Variants in MPHOSPH9 observed in about 807,000 individuals in gnomAD.
The protein encoded by MPHOSPH9 is M-phase phosphoprotein 9.
A neutral mutation model predicts 145.5 loss-of-function variants in MPHOSPH9; 88 were observed. The observed-to-expected ratio is 0.60, with a 90% CI of 0.51 to 0.72. The LOEUF (loss-of-function observed/expected upper bound fraction) is 0.72, where lower values mean the gene tolerates loss of function less well. MPHOSPH9 is among the 30% of genes least tolerant of loss of function. MPHOSPH9 has a pLI of 0.00. For missense variants in MPHOSPH9, 1,238 were observed against 1,386.6 expected, an observed-to-expected ratio of 0.89 and a Z score of 1.70; for synonymous variants, 435 against 486.2, an observed-to-expected ratio of 0.89 and a Z score of 1.39.
Position 123,163,136 on chromosome 12 carries a change from T to C in MPHOSPH9, c.2909-2A>G. The C allele has an allele frequency of 1.3e-6, 2 of 1,573,626 alleles. No homozygotes were observed. The highest frequency in any genetic ancestry group is 1.7e-6 in the Non-Finnish European group (2 of 1,167,156). On this transcript the variant is annotated splice_acceptor_variant, in intron 19 of 23. Coordinates refer to ENST00000606320, the MANE Select transcript of MPHOSPH9 (RefSeq NM_022782.4). LOFTEE classifies it high-confidence loss of function. Reference sequence around the variant, plus strand: ...GTGTTAGCATAATCTCTCTTTTTGCTATAGAAGAAAATGAAGAGGAAATAT... The same window carrying C: ...GTGTTAGCATAATCTCTCTTTTTGCCATAGAAGAAAATGAAGAGGAAATAT...
At chr12:123,239,380 A>G (rs992460159) in intron 1 of MPHOSPH9, among the ~76,000 whole-genome samples, 1 of 150,516 alleles carries the variant, frequency 6.6e-6, no homozygotes, top group African/African-American at 2.4e-5. Flanking sequence ...TTAGAATTTC[A>G]CATGTGGGTA....
At position 123,214,773 on chromosome 12, in the gene MPHOSPH9, G is replaced by C; in HGVS notation, c.1058C>G (p.Pro353Arg). 6.2e-7 allele frequency: 1 copy of C among 1,613,306 alleles called. No homozygotes were observed. The highest frequency in any genetic ancestry group is 8.5e-7 in the Non-Finnish European group (1 of 1,179,346). Residue 353 changes from proline to arginine, a missense_variant, in exon 7 of 24, where the codon CCA (proline) becomes CGA (arginine). Around this residue, in one of 3 missense-constraint regions of MPHOSPH9, gnomAD observed 837 missense variants for 897.5 expected, o/e 0.93. Coordinates refer to ENST00000606320, the MANE Select transcript of MPHOSPH9 (RefSeq NM_022782.4). ...TCCTGAATCAGACATCCAAGCATTTGGAGTTTCATCTGGTTTACTGAGGTA... is the reference window on the plus strand; with the variant it reads ...TCCTGAATCAGACATCCAAGCATTTCGAGTTTCATCTGGTTTACTGAGGTA... ...AFYLSKPDET[P>R]NAWMSDSGTG...
At chr12:123,177,629 T>C (rs2044939895) in intron 15 of MPHOSPH9, among the ~76,000 whole-genome samples, 1 of 152,084 alleles carries the variant, frequency 6.6e-6, no homozygotes, top group Admixed American at 6.6e-5. Flanking sequence ...ACATTTCCCA[T>C]ACAACTGAAT....
chr12:123,160,994 G>T, intron 22 of MPHOSPH9, 142 bp downstream of exon 22: 2 of 1,324,152 alleles, frequency 1.5e-6, no homozygotes, highest in Non-Finnish European at 1.0e-6. Context: ...CGACCACATG[G>T]CTCAAATCCG....
At chr12:123,199,313 A>C (rs143142967) in intron 11 of MPHOSPH9, among the ~76,000 whole-genome samples, 1 of 152,282 alleles carries the variant, frequency 6.6e-6, no homozygotes, top group African/African-American at 2.4e-5. Flanking sequence ...TTCCTTTGTA[A>C]AGTTAATTAT....
At chr12:123,207,668 A>G (rs1170067474) in intron 8 of MPHOSPH9, among the ~76,000 whole-genome samples, 2 of 152,090 alleles carry the variant, frequency 1.3e-5, no homozygotes, top group Admixed American at 1.3e-4. Context: ...AGCCTGGCCA[A>G]CATGGTGAAA....
intron 15 of MPHOSPH9, among the ~76,000 whole-genome samples, chr12:123,178,447 T>C (rs1255106406): frequency 6.6e-6 from 1 of 152,250 alleles, no homozygotes; most frequent in Admixed American, 6.5e-5. Flanking sequence ...AATGTCTAAA[T>C]AAGGGACGTT....
Position 123,194,387 on chromosome 12 carries a change from T to A in MPHOSPH9, c.2240A>T (p.Asp747Val). ...AAGTTACTATTATTCGCTACTTACA[T>A]CTTGAAACATTTTGTTCTCTTGTTT... Reference protein sequence around the residue: ...QLKQENKMFQDLLGEYESLGK... With the variant: ...QLKQENKMFQVLLGEYESLGK... The change falls in exon 13 of 24, where the codon GAT (aspartate) becomes GTT (valine). Residue 747 changes from aspartate to valine, a missense_variant and splice_region_variant. Asp to Val is a radical substitution (Grantham distance 152, BLOSUM62 -3). Transcript: ENST00000606320. 6.3e-7 allele frequency: 1 copy of A among 1,578,120 alleles called. No homozygotes were observed. The highest frequency in any genetic ancestry group is 1.2e-5 in the South Asian group (1 of 86,500).
At chr12:123,170,802 G>A (rs1243019226) in intron 16 of MPHOSPH9, among the ~76,000 whole-genome samples, 1 of 152,148 alleles carries the variant, frequency 6.6e-6, no homozygotes, top group African/African-American at 2.4e-5. Flanking sequence ...GTGGGATTTG[G>A]TGCACATCTT....
chr12:123,193,136 C>T (rs1408443170), intron 13 of MPHOSPH9, among the ~76,000 whole-genome samples: 5 of 145,724 alleles, frequency 3.4e-5, no homozygotes, highest in African/African-American at 1.3e-4. Flanking sequence ...CACACACACA[C>T]ACACACACAC....
At chr12:123,200,117 T>TGATA (rs2046155259) in intron 11 of MPHOSPH9, among the ~76,000 whole-genome samples, 1 of 152,212 alleles carries the variant, frequency 6.6e-6, no homozygotes, top group South Asian at 2.1e-4. Context: ...CATAGTAATC[T>TGATA]GATATCACAG....
At chr12:123,175,219 C>T (rs1279039958) in intron 16 of MPHOSPH9, among the ~76,000 whole-genome samples, 3 of 151,666 alleles carry the variant, frequency 2.0e-5, no homozygotes, top group Non-Finnish European at 2.9e-5. Flanking sequence ...GGCGCAATCT[C>T]GACTCACTGC....
chr12:123,160,982 A>AACGACC (rs1369662701), intron 22 of MPHOSPH9, 133 bp from the exon 23 acceptor site: 4 of 1,320,550 alleles, frequency 3.0e-6, no homozygotes, highest in Non-Finnish European at 4.2e-6. Flanking sequence ...GTCAATTAGT[A>AACGACC]ACGACCACAT....
intron 13 of MPHOSPH9, among the ~76,000 whole-genome samples, chr12:123,186,981 A>G (rs2045471809): frequency 6.6e-6 from 1 of 152,144 alleles, no homozygotes; most frequent in African/African-American, 2.4e-5. Context: ...GAAAGAGGCC[A>G]GGCGCAGTGG....
chr12:123,170,030 T>A (rs2137972104), intron 16 of MPHOSPH9, among the ~76,000 whole-genome samples: 1 of 151,540 alleles, frequency 6.6e-6, no homozygotes, highest in East Asian at 1.9e-4. Flanking sequence ...CAGGCTAAAG[T>A]GCAGTGGCAT....
At chr12:123,226,193 C>A (rs1348466644) in intron 3 of MPHOSPH9, 2 of 310,500 alleles carry the variant, frequency 6.4e-6, no homozygotes, top group South Asian at 8.6e-5. Context: ...TGCAAACAAG[C>A]ATAAAGTATA....
intron 8 of MPHOSPH9, among the ~76,000 whole-genome samples, chr12:123,208,955 C>T (rs778431287): frequency 6.6e-5 from 10 of 152,026 alleles, no homozygotes; most frequent in Non-Finnish European, 1.2e-4. Context: ...TTTGCTGAGG[C>T]GGAGTCTCGC....
In MPHOSPH9 at chr12:123,202,243, T is replaced by A. The variant is rs2138350863; in HGVS notation, c.1858A>T (p.Ser620Cys). 6.2e-7 allele frequency: 1 copy of A among 1,613,450 alleles called. No homozygotes were observed. Among genetic ancestry groups the A allele is most frequent in the East Asian group, 2.2e-5 (1 of 44,828 alleles). ...LRAYYESEINSLKQKLEAKEI... is the reference protein window; with the variant it reads ...LRAYYESEINCLKQKLEAKEI... The stretch of plus-strand genomic sequence containing the variant: ...TTTGCCTCCAGCTTCTGTTTCAAAC[T>A]ATTTATTTCTGATTCATAATAAGCT... Residue 620 changes from serine (S) to cysteine (C), a missense_variant, in exon 11 of 24, where the codon AGT (serine) becomes TGT (cysteine). Around this residue, in one of 3 missense-constraint regions of MPHOSPH9, gnomAD observed 837 missense variants for 897.5 expected, o/e 0.93. Coordinates refer to ENST00000606320, the MANE Select transcript of MPHOSPH9 (RefSeq NM_022782.4).
At chr12:123,158,353 A>G (rs2043958654) in intron 23 of MPHOSPH9, among the ~76,000 whole-genome samples, 1 of 152,176 alleles carries the variant, frequency 6.6e-6, no homozygotes, top group Non-Finnish European at 1.5e-5. Context: ...CTGTAATCCC[A>G]GCACTTTGGG....
Sources: gnomAD v4.1 joint callset for allele counts (sites outside exome capture counted in the v4.1 genomes callset) on GRCh38, gnomAD v4.1.1 for gene constraint, gnomAD v4.1.1 regional missense constraint, MANE v1.5 for transcripts, NCBI Gene and HGNC (gene_info 2026-07-23, HGNC 2026-07-21) for gene names.